The following CLECL1 variants were observed in gnomAD, a reference collection of about 807,000 sequenced individuals.
CLECL1 encodes the protein C-type lectin-like domain family 1.
chr12:9,707,726 A>G, the CLECL1 span, among the ~76,000 whole-genome samples: 4 of 152,122 alleles, frequency 2.6e-5, no homozygotes, highest in African/African-American at 9.7e-5. Flanking sequence ...GCAAATACAA[A>G]ACTATGGGGT....
chr12:9,726,684 T>C (rs1866383978), intron 3 of CLECL1, among the ~76,000 whole-genome samples: 3 of 152,090 alleles, frequency 2.0e-5, no homozygotes, highest in Middle Eastern at 6.8e-3. Flanking sequence ...AAGTAGAACC[T>C]TAGGAGAGGT....
rs114056187 is a variant in CLECL1, at chr12:9,726,069, T to C, written n.262+1496A>G. 7.7e-3 allele frequency among the ~76,000 whole-genome samples: 1,175 copies of C among 152,102 alleles called. 18 individuals carry two copies. Among genetic ancestry groups the C allele is most frequent in the African/African-American group, 0.027 (1,118 of 41,518 alleles). On this transcript the variant is annotated intron_variant and non_coding_transcript_variant, in intron 3 of 3. Coordinates refer to ENST00000621400, the Ensembl canonical transcript of CLECL1. ...AATCTCTGGAAGAAACAATCTTTAA[T>C]TTTTCCTTATGAATCCCGTTATTGA... is the stretch of plus-strand genomic sequence containing the variant.
chr12:9,717,780 C>T (rs868250803), downstream of CLECL1, among the ~76,000 whole-genome samples: 1 of 152,250 alleles, frequency 6.6e-6, no homozygotes, highest in Middle Eastern at 3.4e-3. Context: ...CCAATCTTAA[C>T]GAACTTAGCT....
the CLECL1 span, among the ~76,000 whole-genome samples, chr12:9,710,728 G>A: frequency 1.3e-5 from 2 of 152,132 alleles, no homozygotes; most frequent in Non-Finnish European, 2.9e-5. Context: ...ACATTGAGAG[G>A]AACACACTGA....
intron 3 of CLECL1, among the ~76,000 whole-genome samples, chr12:9,727,048 A>G (rs1322714421): frequency 6.6e-6 from 1 of 151,734 alleles, no homozygotes; most frequent in Non-Finnish European, 1.5e-5. Context: ...ATAATATTTT[A>G]ATACAGAATT....
chr12:9,732,529 G>C (rs1164886457), intron 1 of CLECL1, among the ~76,000 whole-genome samples: 1 of 152,110 alleles, frequency 6.6e-6, no homozygotes, highest in Non-Finnish European at 1.5e-5. Context: ...TATTGATATT[G>C]TAAAAGAATA....
intron 3 of CLECL1, among the ~76,000 whole-genome samples, chr12:9,723,909 C>T (rs10844609): frequency 0.3 from 45,073 of 151,912 alleles, 7,417 homozygotes; most frequent in South Asian, 0.47. Flanking sequence ...GAAAATTGGC[C>T]AGGTGCAATG....
At chr12:9,707,969 C>T in the CLECL1 span, among the ~76,000 whole-genome samples, 4 of 152,288 alleles carry the variant, frequency 2.6e-5, no homozygotes, top group Admixed American at 6.5e-5. Context: ...GCCTCCATGT[C>T]GACAGCCACA....
chr12:9,727,613 CT>C (rs1366677306), exon 3 of CLECL1, among the ~76,000 whole-genome samples: 1 of 151,718 alleles, frequency 6.6e-6, no homozygotes, highest in Non-Finnish European at 1.5e-5. Context: ...CAGTTTTTCT[CT>C]TTTGGCTCAT....
chr12:9,705,615 G>A, the CLECL1 span, among the ~76,000 whole-genome samples: 2 of 152,076 alleles, frequency 1.3e-5, no homozygotes, highest in African/African-American at 4.8e-5. Flanking sequence ...TCAATTTTCT[G>A]CATATGGCTA....
At chr12:9,714,448 G>A (rs1260703174), downstream of CLECL1, among the ~76,000 whole-genome samples, 1 of 152,248 alleles carries the variant, frequency 6.6e-6, no homozygotes, top group Admixed American at 6.5e-5. Context: ...TAACCCAGTG[G>A]GGGCCATCCA....
chr12:9,732,616 A>C (rs756894069), intron 1 of CLECL1, among the ~76,000 whole-genome samples: 2 of 152,320 alleles, frequency 1.3e-5, no homozygotes, highest in East Asian at 3.9e-4. Context: ...AAAAGGTCAG[A>C]TTTGATTGAG....
chr12:9,733,198 C>T, upstream of CLECL1: 1 of 1,613,720 alleles, frequency 6.2e-7, no homozygotes, highest in Non-Finnish European at 8.5e-7. Flanking sequence ...CCAATGTGTT[C>T]AGTCTTACTA....
the CLECL1 span, among the ~76,000 whole-genome samples, chr12:9,707,429 G>A: frequency 6.6e-6 from 1 of 152,146 alleles, no homozygotes; most frequent in Admixed American, 6.5e-5. Context: ...CATTTGATAT[G>A]GGAGTGCTGG....
chr12:9,719,272 A>C (rs1736116157), downstream of CLECL1, among the ~76,000 whole-genome samples: 1 of 152,160 alleles, frequency 6.6e-6, no homozygotes, highest in South Asian at 2.1e-4. Flanking sequence ...CACGCTTGTA[A>C]TCCCAGTACT....
chr12:9,721,701 G>C (rs1359389207), downstream of CLECL1, among the ~76,000 whole-genome samples: 2 of 152,136 alleles, frequency 1.3e-5, no homozygotes, highest in Non-Finnish European at 2.9e-5. Context: ...ACTCTTTTTA[G>C]ATGCTTTTTA....
At chr12:9,720,537 T>A (rs1455391214), downstream of CLECL1, among the ~76,000 whole-genome samples, 2 of 152,150 alleles carry the variant, frequency 1.3e-5, no homozygotes, top group Non-Finnish European at 2.9e-5. Context: ...AGACGGGGTT[T>A]CTCCATGTTG....
chr12:9,714,807 A>G (rs567118700), downstream of CLECL1, among the ~76,000 whole-genome samples: 164 of 152,312 alleles, frequency 1.1e-3, 2 homozygotes, highest in Admixed American at 1.5e-3. Flanking sequence ...ATGAAGTGAC[A>G]TTTAGAGACT....
the CLECL1 span, among the ~76,000 whole-genome samples, chr12:9,708,160 C>T: frequency 6.6e-6 from 1 of 152,240 alleles, no homozygotes. Context: ...ACATTCCCTC[C>T]CCTGGCCAAG....
Sources: gnomAD v4.1 joint callset for allele counts (sites outside exome capture counted in the v4.1 genomes callset) on GRCh38, gnomAD v4.1.1 for gene constraint, MANE v1.5 for transcripts, NCBI Gene and HGNC (gene_info 2026-07-23, HGNC 2026-07-21) for gene names.